Variants in SGCD observed in about 807,000 individuals in gnomAD.
SGCD encodes the protein sarcoglycan delta.
Under a neutral mutation model 36.6 loss-of-function variants are expected in SGCD, and 18 were observed. The observed-to-expected ratio is 0.49, with a 90% confidence interval of 0.34 to 0.73. The LOEUF (loss-of-function observed/expected upper bound fraction) is 0.73. SGCD is among the 30% of genes least tolerant of loss of function. The pLI, the probability that SGCD is intolerant of heterozygous loss-of-function variation, is 0.01. For synonymous variants in SGCD, 133 were observed against 130.6 expected, an observed-to-expected ratio of 1.02 and a Z score of -0.12; for missense variants, 387 against 346.7, an observed-to-expected ratio of 1.12 and a Z score of -0.92.
chr5:156,543,545 G>A (rs1758437060), intron 4 of SGCD, among the ~76,000 whole-genome samples: 2 of 152,138 alleles, frequency 1.3e-5, no homozygotes, highest in African/African-American at 4.8e-5. Flanking sequence ...TTTCCCTTGG[G>A]CAAGTCACTA....
chr5:156,277,251 CCCTCTTAACACCTTCCCCTG>C (rs1273588098), intron 3 of SGCD, among the ~76,000 whole-genome samples: 2 of 152,170 alleles, frequency 1.3e-5, no homozygotes, highest in Non-Finnish European at 2.9e-5. Context: ...AGGCTCCTTT[CCCTCTTAACACCTTCCCCTG>C]CCTCTTCCTT....
At chr5:156,090,068 C>A (rs1246187773) in intron 1 of SGCD, among the ~76,000 whole-genome samples, 2 of 152,122 alleles carry the variant, frequency 1.3e-5, no homozygotes, top group African/African-American at 4.8e-5. Context: ...ACTTTGCAGC[C>A]ATATGAGCTG....
chr5:156,522,948 T>A (rs1305118236), intron 4 of SGCD, among the ~76,000 whole-genome samples: 2 of 152,212 alleles, frequency 1.3e-5, no homozygotes, highest in African/African-American at 4.8e-5. Context: ...TGAATTGTTA[T>A]TTTTGATTCT....
intron 1 of SGCD, among the ~76,000 whole-genome samples, chr5:155,871,539 A>G (rs375639684): frequency 1.3e-5 from 2 of 152,240 alleles, no homozygotes; most frequent in East Asian, 3.9e-4. Flanking sequence ...AACACTTGTC[A>G]TTGTTCACTG....
intron 1 of SGCD, among the ~76,000 whole-genome samples, chr5:156,029,574 G>A (rs774620941): frequency 8.5e-5 from 13 of 152,162 alleles, no homozygotes; most frequent in Non-Finnish European, 1.6e-4. Context: ...GGTTGTATGG[G>A]CATATTCGGC....
intron 7 of SGCD, among the ~76,000 whole-genome samples, chr5:156,667,650 C>G (rs745473376): frequency 6.6e-6 from 1 of 152,200 alleles, no homozygotes; most frequent in Non-Finnish European, 1.5e-5. Context: ...CTGAAGGCAT[C>G]CTGCCCTGGG....
intron 3 of SGCD, among the ~76,000 whole-genome samples, chr5:156,206,237 G>C (rs923609912): frequency 6.6e-6 from 1 of 151,818 alleles, no homozygotes; most frequent in Non-Finnish European, 1.5e-5. Context: ...TTGTGTGTAC[G>C]TACAGTGGTG....
chr5:156,075,629 T>C (rs1420559363), intron 1 of SGCD, among the ~76,000 whole-genome samples: 1 of 152,182 alleles, frequency 6.6e-6, no homozygotes, highest in Non-Finnish European at 1.5e-5. Context: ...AGTGGGGTCC[T>C]GATGGATTTT....
chr5:156,307,994 A>G (rs1016801709), intron 3 of SGCD, among the ~76,000 whole-genome samples: 2 of 152,210 alleles, frequency 1.3e-5, no homozygotes, highest in African/African-American at 4.8e-5. Flanking sequence ...TTCCTAAATC[A>G]TGTAGGAAAC....
intron 3 of SGCD, among the ~76,000 whole-genome samples, chr5:156,275,402 T>C (rs1243765020): frequency 2.6e-5 from 4 of 152,210 alleles, no homozygotes. Flanking sequence ...ACATAAAATA[T>C]GTATGTAACT....
At chr5:155,943,611 A>G (rs969572612) in intron 1 of SGCD, among the ~76,000 whole-genome samples, 2 of 152,192 alleles carry the variant, frequency 1.3e-5, no homozygotes, top group African/African-American at 4.8e-5. Context: ...CTGATTTTTC[A>G]TAGTTGGTAT....
intron 1 of SGCD, among the ~76,000 whole-genome samples, chr5:156,026,712 T>C (rs1284824420): frequency 6.6e-6 from 1 of 152,174 alleles, no homozygotes; most frequent in Non-Finnish European, 1.5e-5. Flanking sequence ...GCCTGGGTTC[T>C]AGTCACGTTC....
the SGCD span, among the ~76,000 whole-genome samples, chr5:155,857,919 A>G: frequency 2.0e-5 from 3 of 152,182 alleles, no homozygotes; most frequent in East Asian, 5.8e-4. Flanking sequence ...TAAATCTACC[A>G]TCTTACTATT....
At chr5:156,575,997 C>T (rs1759928331) in intron 4 of SGCD, among the ~76,000 whole-genome samples, 1 of 152,080 alleles carries the variant, frequency 6.6e-6, no homozygotes, top group African/African-American at 2.4e-5. Flanking sequence ...CATAGGTATA[C>T]CTGTGCCATG....
At chr5:155,888,818 G>C (rs147187380) in intron 1 of SGCD, among the ~76,000 whole-genome samples, 1 of 152,080 alleles carries the variant, frequency 6.6e-6, no homozygotes, top group African/African-American at 2.4e-5. Flanking sequence ...TTTCTTCAGC[G>C]TAAAATATTT....
chr5:155,764,774 G>A, the SGCD span, among the ~76,000 whole-genome samples: 1 of 152,130 alleles, frequency 6.6e-6, no homozygotes, highest in Admixed American at 6.5e-5. Context: ...CTCTCTGATA[G>A]TTGAGTTGGG....
At position 155,921,480 on chromosome 5, in the gene SGCD, A is replaced by G. The variant is rs374882892; in HGVS notation, c.-282+51056A>G. Among the ~76,000 whole-genome samples, 51 of 152,172 alleles carry G rather than the reference A, an allele frequency of 3.4e-4. No homozygotes were observed. In the East Asian group the frequency reaches 3.7e-3, roughly 11 times the overall value. On this transcript the variant is annotated intron_variant, in intron 1 of 9. Transcript: ENST00000517913. ...TAAGAAGGGAAATATTTGAGCATGC[A>G]TAAGTGCTGATGGGGGGTAGCAGTA...
chr5:156,364,119 GC>G (rs1265697728), intron 3 of SGCD, among the ~76,000 whole-genome samples: 1 of 152,164 alleles, frequency 6.6e-6, no homozygotes, highest in African/African-American at 2.4e-5. Flanking sequence ...TGCTGAGAAA[GC>G]AGTCACAGAT....
the SGCD span, among the ~76,000 whole-genome samples, chr5:155,810,971 C>G: frequency 7.2e-6 from 1 of 139,520 alleles, no homozygotes; most frequent in Non-Finnish European, 1.5e-5. Context: ...GCGCCCGCCA[C>G]TATGCCCGGC....
Sources: gnomAD v4.1 joint callset for allele counts (sites outside exome capture counted in the v4.1 genomes callset) on GRCh38, gnomAD v4.1.1 for gene constraint, MANE v1.5 for transcripts, NCBI Gene and HGNC (gene_info 2026-07-23, HGNC 2026-07-21) for gene names.